Variants in CACNA2D2 observed in about 807,000 individuals in gnomAD.
CACNA2D2 encodes calcium voltage-gated channel auxiliary subunit alpha2delta 2.
Under a neutral mutation model 166.4 loss-of-function variants are expected in CACNA2D2, and 48 were observed. The observed-to-expected ratio is 0.29, with a 90% CI of 0.23 to 0.37. CACNA2D2 has a LOEUF of 0.37. CACNA2D2 is among the 10% of genes least tolerant of loss of function. The probability of loss-of-function intolerance (pLI) is 1.00; values close to 1 mark genes in which losing one functional copy is unlikely to be tolerated. For missense variants in CACNA2D2, 1,122 were observed against 1,433.0 expected, an observed-to-expected ratio of 0.78 and a Z score of 3.50; for synonymous variants, 561 against 573.7, an observed-to-expected ratio of 0.98 and a Z score of 0.32.
At position 50,456,073 on chromosome 3, in the gene CACNA2D2, C is replaced by G. The variant is rs111480151; in HGVS notation, c.288+20045G>C. ...TATACACAGCATGTGTCCTTTAAAC[C>G]TTGTGACACCCCAGAAGGGAGGCAA... On this transcript the variant is annotated intron_variant, in intron 2 of 37. Transcript: ENST00000424201. Among the ~76,000 whole-genome samples, 6 of 152,296 alleles carry G rather than the reference C, an allele frequency of 3.9e-5. 2 individuals carry two copies. Among genetic ancestry groups the G allele is most frequent in the African/African-American group, 1.4e-4 (6 of 41,554 alleles).
At chr3:50,448,454 G>A (rs1309071748) in intron 2 of CACNA2D2, among the ~76,000 whole-genome samples, 1 of 152,130 alleles carries the variant, frequency 6.6e-6, no homozygotes. Context: ...TGAGCACATA[G>A]GAAGCGTGAT....
intron 6 of CACNA2D2, among the ~76,000 whole-genome samples, chr3:50,382,825 G>A (rs1205289821): frequency 2.0e-5 from 3 of 152,170 alleles, no homozygotes; most frequent in African/African-American, 7.2e-5. Context: ...TCCAGGTCAA[G>A]GGCCAAGAGG....
chr3:50,459,716 C>T (rs1289097423), intron 2 of CACNA2D2, among the ~76,000 whole-genome samples: 1 of 152,200 alleles, frequency 6.6e-6, no homozygotes, highest in Admixed American at 6.5e-5. Context: ...ACCAGGACCC[C>T]GGGATGTGAG....
chr3:50,369,306 C>A (rs961586830), intron 23 of CACNA2D2, among the ~76,000 whole-genome samples: 1 of 152,250 alleles, frequency 6.6e-6, no homozygotes, highest in African/African-American at 2.4e-5. Flanking sequence ...CTCTTCTGAG[C>A]CACAGACACA....
chr3:50,372,917 G>C, intron 22 of CACNA2D2: 1 of 650,236 alleles, frequency 1.5e-6, no homozygotes. Context: ...TCAGAGGAAA[G>C]GCAAGAACTA....
chr3:50,374,795 T>C lies in CACNA2D2; in HGVS notation c.1926A>G (p.Pro642=), dbSNP rs750076907. ...CTTGGAGGTAGAAGGTGCTGTAGGG[T>C]GGGAGCACCAGCCCCAGGCTGAGGG... ...STNYSLGLVL[P]PYSTFYLQAN... is the part of the protein sequence containing the mutation. Residue 642 remains proline, a synonymous_variant, in exon 22 of 38, where the codon CCA becomes CCG. Transcript: ENST00000424201. The C allele has an allele frequency of 6.3e-7, 1 of 1,590,356 alleles. No individual in the cohort carries two copies. Among genetic ancestry groups the C allele is most frequent in the South Asian group, 1.1e-5 (1 of 87,420 alleles).
In CACNA2D2 at chr3:50,366,419, G is replaced by T; in HGVS notation, c.2638-81C>A. The T allele has an allele frequency of 6.6e-7, 1 of 1,516,070 alleles. No homozygotes were observed. The highest frequency in any genetic ancestry group is 9.2e-7 in the Non-Finnish European group (1 of 1,091,374). 93.9% of individuals were successfully genotyped at this position (1,516,070 alleles called of 1,614,324 possible). ...ACCGCAGGCAGTCCAGTGGTTCAGAGTTGGGGGGCATCACTCCCCCAGTCC... is the reference window on the plus strand; with the variant it reads ...ACCGCAGGCAGTCCAGTGGTTCAGATTTGGGGGGCATCACTCCCCCAGTCC... On this transcript the variant is annotated intron_variant, in intron 30 of 37. Transcript: ENST00000424201. This position sits in a 1 kb window ranked among gnomAD's most constrained non-coding sequence, Gnocchi z 5.9.
chr3:50,394,177 C>G lies in CACNA2D2; in HGVS notation c.406-9G>C. 1 of 1,613,792 alleles carries G rather than the reference C, an allele frequency of 6.2e-7. No homozygotes were observed. Among genetic ancestry groups the G allele is most frequent in the Non-Finnish European group, 8.5e-7 (1 of 1,179,718 alleles). On this transcript the variant is annotated splice_polypyrimidine_tract_variant and intron_variant, in intron 3 of 37. Coordinates refer to ENST00000424201, the MANE Select transcript of CACNA2D2 (RefSeq NM_006030.4). ...GCAGCATCAGCCAGTCTCTGAGGGA[C>G]AGAGCACAGGGAGGTCAGAAGCGGA...
chr3:50,426,868 G>A (rs1338150127), intron 3 of CACNA2D2, among the ~76,000 whole-genome samples: 1 of 152,178 alleles, frequency 6.6e-6, no homozygotes, highest in African/African-American at 2.4e-5. Flanking sequence ...CTGAAGACAA[G>A]AGAATGACTA....
chr3:50,384,277 A>G lies in CACNA2D2; in HGVS notation c.571T>C (p.Phe191Leu), dbSNP rs1411302892. 1 of 1,614,070 alleles carries G rather than the reference A, an allele frequency of 6.2e-7. No individual in the cohort carries two copies. Among genetic ancestry groups the G allele is most frequent in the African/African-American group, 1.3e-5 (1 of 74,936 alleles). The change falls in exon 6 of 38, where the codon TTC (phenylalanine) becomes CTC (leucine). Residue 191 changes from phenylalanine (F) to leucine (L), a missense_variant. Physicochemically the swap from Phe to Leu is conservative, Grantham distance 22. Transcript: ENST00000424201. ...GSKASTLRLD[F>L]IEDPNFKNKV... is the part of the protein sequence containing the mutation. The stretch of plus-strand genomic sequence containing the variant: ...TTCTTGAAGTTTGGGTCCTCGATGA[A>G]GTCCAGCCTTAGGGTGCTGGCCTTA...
chr3:50,470,583 A>G (rs80316826), intron 2 of CACNA2D2, among the ~76,000 whole-genome samples: 1,279 of 47,480 alleles, frequency 0.027, 18 homozygotes, highest in East Asian at 0.12. Context: ...GTGTGTGTGT[A>G]TATGGGGGGA....
intron 2 of CACNA2D2, among the ~76,000 whole-genome samples, chr3:50,465,778 G>A (rs1044734665): frequency 6.6e-6 from 1 of 152,140 alleles, no homozygotes; most frequent in African/African-American, 2.4e-5. Context: ...AAGCATCTAG[G>A]GGTTGTAAGT....
chr3:50,400,166 T>G (rs1346104415), intron 3 of CACNA2D2, among the ~76,000 whole-genome samples: 8 of 152,240 alleles, frequency 5.3e-5, no homozygotes, highest in Admixed American at 5.2e-4. Flanking sequence ...TCTGCATAAT[T>G]AAAATATCTG....
intron 3 of CACNA2D2, among the ~76,000 whole-genome samples, chr3:50,432,999 C>T (rs951079726): frequency 1.3e-5 from 2 of 152,212 alleles, no homozygotes; most frequent in Non-Finnish European, 2.9e-5. Context: ...AAAAAAACTG[C>T]TTTATTGAGA....
At chr3:50,451,686 C>T (rs1160197588) in intron 2 of CACNA2D2, among the ~76,000 whole-genome samples, 1 of 152,170 alleles carries the variant, frequency 6.6e-6, no homozygotes, top group Non-Finnish European at 1.5e-5. Flanking sequence ...ACCTGGCTGC[C>T]AGGGGCCTGT....
chr3:50,400,638 C>T (rs950268620), intron 3 of CACNA2D2, among the ~76,000 whole-genome samples: 2 of 152,228 alleles, frequency 1.3e-5, no homozygotes, highest in African/African-American at 2.4e-5. Flanking sequence ...CCGTGACTTA[C>T]GTGCTGAGGG....
At chr3:50,372,137 CCTTACTCTCTGCCAGGGT>C (rs1178660263) in intron 22 of CACNA2D2, among the ~76,000 whole-genome samples, 1 of 152,144 alleles carries the variant, frequency 6.6e-6, no homozygotes, top group Non-Finnish European at 1.5e-5. Flanking sequence ...CTCTCACTCC[CCTTACTCTCTGCCAGGGT>C]CTAGGGGTTC....
intron 2 of CACNA2D2, among the ~76,000 whole-genome samples, chr3:50,438,589 G>A (rs982810547): frequency 6.6e-6 from 1 of 152,210 alleles, no homozygotes. Flanking sequence ...AAGGGAGCCA[G>A]CCTCGTTCCC....
intron 3 of CACNA2D2, among the ~76,000 whole-genome samples, chr3:50,425,049 G>T (rs925451875): frequency 6.6e-6 from 1 of 152,128 alleles, no homozygotes; most frequent in African/African-American, 2.4e-5. Context: ...ACAGAAAGTG[G>T]GGCCAGAGAA....
Sources: gnomAD v4.1 joint callset for allele counts (sites outside exome capture counted in the v4.1 genomes callset) on GRCh38, gnomAD v4.1.1 for gene constraint, Gnocchi (gnomAD v3.1) non-coding constraint, MANE v1.5 for transcripts, NCBI Gene and HGNC (gene_info 2026-07-23, HGNC 2026-07-21) for gene names.